The following PDE1C variants were observed in gnomAD, a reference collection of about 807,000 sequenced individuals.
PDE1C encodes the protein dual specificity calcium/calmodulin-dependent 3',5'-cyclic nucleotide phosphodiesterase 1C.
PDE1C carries 62 observed loss-of-function variants against 93.1 expected under a neutral mutation model. The observed-to-expected ratio is 0.67, with a 90% CI of 0.54 to 0.82. PDE1C has a LOEUF of 0.82. Among genes scored for constraint, PDE1C ranks in the 40% least tolerant of loss-of-function variants. PDE1C has a pLI of 0.00. For synonymous variants in PDE1C, 325 were observed against 310.1 expected, an observed-to-expected ratio of 1.05 and a Z score of -0.50; for missense variants, 742 against 884.6, an observed-to-expected ratio of 0.84 and a Z score of 2.04.
intron 3 of PDE1C, among the ~76,000 whole-genome samples, chr7:32,086,992 A>T (rs1164815492): frequency 6.6e-6 from 1 of 151,996 alleles, no homozygotes; most frequent in East Asian, 1.9e-4. Flanking sequence ...ACAAAAGCCA[A>T]ACTTGACAAA....
intron 2 of PDE1C, among the ~76,000 whole-genome samples, chr7:31,954,687 C>T (rs1267691314): frequency 6.6e-6 from 1 of 152,176 alleles, no homozygotes; most frequent in Non-Finnish European, 1.5e-5. Context: ...TCACACAAAA[C>T]CACCATAGGT....
At chr7:32,166,969 C>A (rs1802321659) in intron 3 of PDE1C, among the ~76,000 whole-genome samples, 1 of 152,152 alleles carries the variant, frequency 6.6e-6, no homozygotes, top group African/African-American at 2.4e-5. Flanking sequence ...CTTTCTCTCT[C>A]CAAGCCAGTT....
intron 2 of PDE1C, among the ~76,000 whole-genome samples, chr7:32,014,083 T>C (rs1787531745): frequency 6.6e-6 from 1 of 152,238 alleles, no homozygotes; most frequent in African/African-American, 2.4e-5. Context: ...TGTGGGGTTA[T>C]GCAAAGAGAC....
chr7:31,996,626 G>A (rs1029528971), intron 2 of PDE1C, among the ~76,000 whole-genome samples: 4 of 152,212 alleles, frequency 2.6e-5, no homozygotes, highest in Admixed American at 6.5e-5. Flanking sequence ...GTGTGCACAT[G>A]TAAGTGTCTG....
chr7:31,832,822 G>A (rs995974423), intron 11 of PDE1C, among the ~76,000 whole-genome samples: 6 of 152,144 alleles, frequency 3.9e-5, no homozygotes, highest in South Asian at 4.2e-4. Context: ...TTTCCTTTAC[G>A]AGGAAAAAAT....
chr7:31,872,254 A>T, intron 6 of PDE1C, among the ~76,000 whole-genome samples: 1 of 152,132 alleles, frequency 6.6e-6, no homozygotes, highest in East Asian at 1.9e-4. Flanking sequence ...GGTGATAAAG[A>T]GGGATTGGTT....
At chr7:31,643,164 G>T in the PDE1C span, 26 of 1,613,902 alleles carry the variant, frequency 1.6e-5, no homozygotes, top group Non-Finnish European at 1.9e-5. Context: ...AGTCTCAAAG[G>T]TCACCTGGAA....
intron 9 of PDE1C, among the ~76,000 whole-genome samples, chr7:31,841,243 A>ATATATATG (rs1287637038): frequency 6.7e-6 from 1 of 149,998 alleles, no homozygotes; most frequent in East Asian, 1.9e-4. Context: ...ATATATATAT[A>ATATATATG]TGTATATGTG....
intron 8 of PDE1C, among the ~76,000 whole-genome samples, chr7:31,848,720 A>C (rs1288004054): frequency 1.3e-5 from 2 of 152,200 alleles, no homozygotes; most frequent in African/African-American, 4.8e-5. Context: ...AAATTTAATG[A>C]AAGCTTAGAT....
intron 3 of PDE1C, among the ~76,000 whole-genome samples, chr7:32,078,626 T>C (rs926715480): frequency 2.0e-5 from 3 of 152,032 alleles, no homozygotes; most frequent in African/African-American, 7.2e-5. Flanking sequence ...TGGACTACCG[T>C]ATTAAAGTTT....
intron 11 of PDE1C, among the ~76,000 whole-genome samples, chr7:31,830,490 C>A (rs918877440): frequency 2.6e-5 from 4 of 152,220 alleles, no homozygotes; most frequent in African/African-American, 9.6e-5. Flanking sequence ...ACATAGTTGG[C>A]ACACAGAAGG....
the PDE1C span, among the ~76,000 whole-genome samples, chr7:31,745,780 C>G: frequency 1.3e-5 from 2 of 152,196 alleles, no homozygotes; most frequent in Non-Finnish European, 2.9e-5. Context: ...TCATGAGAAA[C>G]TTTGTCCTTT....
At chr7:32,278,453 C>T (rs1235088592) in intron 1 of PDE1C, among the ~76,000 whole-genome samples, 3 of 152,176 alleles carry the variant, frequency 2.0e-5, no homozygotes, top group African/African-American at 7.2e-5. Context: ...AGACAAACTG[C>T]ATAAGCAGAT....
intron 1 of PDE1C, among the ~76,000 whole-genome samples, chr7:32,312,220 C>G (rs902291422): frequency 1.6e-4 from 25 of 152,142 alleles, no homozygotes; most frequent in Non-Finnish European, 3.1e-4. Flanking sequence ...ACCTCTTCAA[C>G]AAGAACTACA....
chr7:31,762,409 C>T lies in PDE1C; in HGVS notation c.1961-8856G>A, dbSNP rs529698627. On this transcript the variant is annotated intron_variant, in intron 17 of 17. Transcript: ENST00000396191. ...AGCCTGGAGTGCAGTGGCGCCATCC[C>T]GGGTCACTGCAAACTCCACCTCCTG... is the stretch of plus-strand genomic sequence containing the variant. Among the ~76,000 whole-genome samples, 17 of 152,174 alleles carry T rather than the reference C, an allele frequency of 1.1e-4. No individual in the cohort carries two copies. In the South Asian group the frequency reaches 3.1e-3, roughly 28 times the overall value.
rs147815796 is a variant in PDE1C, at chr7:31,802,991, T to C, written c.1891+6040A>G. ...AAATTATAGCCCCTGATTTTTCAAATATTTTTCCTCCTCTCTCCTCTACCT... is the reference window on the plus strand; with the variant it reads ...AAATTATAGCCCCTGATTTTTCAAACATTTTTCCTCCTCTCTCCTCTACCT... On this transcript the variant is annotated intron_variant, in intron 16 of 17. Coordinates refer to ENST00000396191, the MANE Select transcript of PDE1C (RefSeq NM_001191057.4). Among the ~76,000 whole-genome samples the C allele has an allele frequency of 3.4e-3, 518 of 151,926 alleles. 1 individual carries two copies. The highest frequency in any genetic ancestry group is 0.012 in the African/African-American group (503 of 41,518).
At chr7:32,203,951 T>C (rs971641818) in intron 2 of PDE1C, among the ~76,000 whole-genome samples, 1 of 152,218 alleles carries the variant, frequency 6.6e-6, no homozygotes, top group Admixed American at 6.5e-5. Flanking sequence ...TCAAGAACTT[T>C]CACCTTTTCA....
intron 7 of PDE1C, among the ~76,000 whole-genome samples, chr7:31,864,373 A>T (rs756414220): frequency 6.6e-6 from 1 of 152,202 alleles, no homozygotes; most frequent in Non-Finnish European, 1.5e-5. Context: ...AAAAATTTTT[A>T]AAGCAAAACC....
chr7:31,789,110 A>G (rs1784304212), intron 16 of PDE1C: 1 of 152,122 alleles, frequency 6.6e-6, no homozygotes, highest in Admixed American at 6.6e-5. Flanking sequence ...AAGGACTCAG[A>G]GATTCCTGTG....
Sources: gnomAD v4.1 joint callset for allele counts (sites outside exome capture counted in the v4.1 genomes callset) on GRCh38, gnomAD v4.1.1 for gene constraint, MANE v1.5 for transcripts, NCBI Gene and HGNC (gene_info 2026-07-23, HGNC 2026-07-21) for gene names.